Variants in ANTXR2 observed in about 807,000 individuals in gnomAD.
The protein encoded by ANTXR2 is ANTXR cell adhesion molecule 2.
A neutral mutation model predicts 73.7 loss-of-function variants in ANTXR2; 44 were observed. The ratio of observed to expected loss-of-function variants is 0.60; its 90% CI spans 0.47 to 0.77. ANTXR2 has a LOEUF of 0.77. Ranked by LOEUF, ANTXR2 falls within the 30% of genes least tolerant of loss-of-function variation. The probability of loss-of-function intolerance (pLI) is 0.00; values close to 1 mark genes in which losing one functional copy is unlikely to be tolerated. For missense variants in ANTXR2, 604 were observed against 592.5 expected (o/e 1.02, Z -0.20); for synonymous variants, 217 against 205.9 (o/e 1.05, Z -0.46).
intron 16 of ANTXR2, among the ~76,000 whole-genome samples, chr4:79,975,583 C>T (rs1456176498): frequency 1.3e-5 from 2 of 152,112 alleles, no homozygotes; most frequent in Non-Finnish European, 2.9e-5. Flanking sequence ...ATACCCAGCA[C>T]TTAATAAGGT....
In ANTXR2 at chr4:80,022,535, T is replaced by A. The variant is rs559131035; in HGVS notation, c.867-3559A>T. Among the ~76,000 whole-genome samples, 18 of 152,336 alleles carry A rather than the reference T, an allele frequency of 1.2e-4. No individual in the cohort carries two copies. The East Asian group carries it at 2.5e-3, about 21-fold the overall frequency. On this transcript the variant is annotated intron_variant, in intron 10 of 16. Transcript: ENST00000403729. ...GCAAACCAAATTCGGTAAGCTTTCCTTGCCTCAAGAGTCAACTATACATAT... is the reference window on the plus strand; with the variant it reads ...GCAAACCAAATTCGGTAAGCTTTCCATGCCTCAAGAGTCAACTATACATAT...
chr4:80,002,678 A>G (rs1010588694), intron 12 of ANTXR2, among the ~76,000 whole-genome samples: 1 of 152,080 alleles, frequency 6.6e-6, no homozygotes, highest in African/African-American at 2.4e-5. Context: ...AAGGGCTCAT[A>G]TCCAGAATCT....
intron 12 of ANTXR2, among the ~76,000 whole-genome samples, chr4:79,989,069 AC>A (rs1441147968): frequency 2.0e-5 from 3 of 152,084 alleles, no homozygotes. Flanking sequence ...TAACAAGCTA[AC>A]ATCACACCTA....
At chr4:79,947,053 C>T (rs1452920512) in intron 16 of ANTXR2, among the ~76,000 whole-genome samples, 1 of 152,096 alleles carries the variant, frequency 6.6e-6, no homozygotes, top group Admixed American at 6.5e-5. Context: ...CAAATAGGAA[C>T]CCAGCTGTAT....
intron 16 of ANTXR2, among the ~76,000 whole-genome samples, chr4:79,915,877 T>C (rs1384519642): frequency 2.7e-5 from 4 of 149,858 alleles, no homozygotes; most frequent in African/African-American, 9.8e-5. Context: ...TATATATATA[T>C]ACATAAAGAA....
chr4:79,943,743 A>AT (rs200840316), intron 16 of ANTXR2, among the ~76,000 whole-genome samples: 14,535 of 150,024 alleles, frequency 0.097, 1,597 homozygotes, highest in East Asian at 0.63. Context: ...AATAAAAAAA[A>AT]AAATAAATAA....
intron 7 of ANTXR2, among the ~76,000 whole-genome samples, chr4:80,041,990 C>T (rs979120164): frequency 6.6e-6 from 1 of 152,008 alleles, no homozygotes; most frequent in Non-Finnish European, 1.5e-5. Flanking sequence ...ATGCCATTGA[C>T]TTTGGATTTA....
chr4:80,024,503 G>A (rs1732324549), intron 10 of ANTXR2: 1 of 262,174 alleles, frequency 3.8e-6, no homozygotes, highest in South Asian at 3.4e-5. Flanking sequence ...GCTCATGCCT[G>A]TAATCCCAAC....
chr4:79,951,185 G>C (rs1448352851), intron 16 of ANTXR2, among the ~76,000 whole-genome samples: 1 of 152,142 alleles, frequency 6.6e-6, no homozygotes, highest in Non-Finnish European at 1.5e-5. Flanking sequence ...TGTTTGATGG[G>C]ACACAGATTT....
At chr4:80,068,373 A>G (rs966740325) in intron 3 of ANTXR2, among the ~76,000 whole-genome samples, 1 of 152,228 alleles carries the variant, frequency 6.6e-6, no homozygotes, top group Non-Finnish European at 1.5e-5. Flanking sequence ...TCATTCAACA[A>G]GAATTTATTG....
chr4:80,002,092 G>T (rs574794186), intron 12 of ANTXR2, among the ~76,000 whole-genome samples: 2 of 152,012 alleles, frequency 1.3e-5, no homozygotes, highest in Non-Finnish European at 2.9e-5. Context: ...AAAAGAGCCC[G>T]CATCACCAAG....
In ANTXR2 at chr4:79,946,105, CAT is replaced by C. The variant is rs537007441; in HGVS notation, c.1428+31514_1428+31515del. Reference sequence around the variant, plus strand: ...ATCTCATTTAATCTTCAAACAACCACATGAGGTAAGTGTTGTTATATAACGAT... The same window carrying C: ...ATCTCATTTAATCTTCAAACAACCACGAGGTAAGTGTTGTTATATAACGAT... On this transcript the variant is annotated intron_variant, in intron 16 of 16. Transcript: ENST00000403729. Among the ~76,000 whole-genome samples, 4 of 152,196 alleles carry C rather than the reference CAT, an allele frequency of 2.6e-5. No homozygotes were observed. In the South Asian group the frequency reaches 8.3e-4, roughly 32 times the overall value.
chr4:79,911,004 G>A (rs533065250), intron 16 of ANTXR2, among the ~76,000 whole-genome samples: 9 of 152,186 alleles, frequency 5.9e-5, no homozygotes, highest in African/African-American at 1.4e-4. Context: ...AATGCATCCC[G>A]GTTGTAAGTG....
At chr4:80,005,396 G>C (rs1375442112) in intron 12 of ANTXR2, among the ~76,000 whole-genome samples, 1 of 152,050 alleles carries the variant, frequency 6.6e-6, no homozygotes, top group Non-Finnish European at 1.5e-5. Flanking sequence ...CTATTAAAAA[G>C]TTCATTGCTA....
chr4:80,047,684 T>C (rs1031506120), intron 7 of ANTXR2, among the ~76,000 whole-genome samples: 2 of 151,724 alleles, frequency 1.3e-5, no homozygotes, highest in African/African-American at 4.8e-5. Flanking sequence ...CACTTTCCAA[T>C]ATACTTGCTG....
chr4:80,055,952 T>C lies in ANTXR2; in HGVS notation c.358A>G (p.Ile120Val). The C allele has an allele frequency of 1.9e-6, 3 of 1,562,400 alleles. No individual in the cohort carries two copies. Among genetic ancestry groups the C allele is most frequent in the Non-Finnish European group, 2.6e-6 (3 of 1,153,942 alleles). ...CTTACTAGCTTTAGTCCTTCATGGATATATGTCTCTCCTACTGGACTAACA... is the reference window on the plus strand; with the variant it reads ...CTTACTAGCTTTAGTCCTTCATGGACATATGTCTCTCCTACTGGACTAACA... ...KRVSPVGETY[I>V]HEGLKLANEQ... The change falls in exon 4 of 17, where the codon ATC (isoleucine) becomes GTC (valine). Residue 120 changes from isoleucine (I) to valine (V), a missense_variant. By Grantham distance (29) the Ile-to-Val change is conservative. Transcript: ENST00000403729.
rs544335128 is a variant in ANTXR2 at position 79,914,292 on chromosome 4, A to C, written c.1429-6825T>G. ...CTTGGCTTTTAGGAAGCTCAGATTT[A>C]TAAGATGTCCTAAAAGCAATTGCTA... is the stretch of plus-strand genomic sequence containing the variant. On this transcript the variant is annotated intron_variant, in intron 16 of 16. Transcript: ENST00000403729. Among the ~76,000 whole-genome samples the C allele has an allele frequency of 2.3e-3, 353 of 152,240 alleles. 3 individuals are homozygous for C. Among genetic ancestry groups the C allele is most frequent in the Non-Finnish European group, 4.4e-3 (297 of 67,994 alleles).
At chr4:80,014,476 G>A (rs1477567886) in intron 11 of ANTXR2, among the ~76,000 whole-genome samples, 1 of 152,024 alleles carries the variant, frequency 6.6e-6, no homozygotes, top group Non-Finnish European at 1.5e-5. Flanking sequence ...TGAGGCATGA[G>A]AATTGCTTGA....
intron 7 of ANTXR2, among the ~76,000 whole-genome samples, chr4:80,045,064 A>G (rs1733457057): frequency 6.6e-6 from 1 of 151,808 alleles, no homozygotes; most frequent in Non-Finnish European, 1.5e-5. Context: ...GAAAAAAATT[A>G]TTTGGATAAA....
Sources: allele counts gnomAD v4.1 joint callset (sites outside exome capture counted in the v4.1 genomes callset), GRCh38; gene constraint gnomAD v4.1.1; transcripts MANE v1.5; gene names NCBI Gene and HGNC (gene_info 2026-07-23, HGNC 2026-07-21).